CPT1A: variants seen among roughly 807,000 people sequenced by gnomAD.
The protein encoded by CPT1A is carnitine palmitoyltransferase 1A.
A neutral mutation model predicts 100.8 loss-of-function variants in CPT1A; 64 were observed. The observed-to-expected ratio is 0.63, with a 90% CI of 0.52 to 0.78. CPT1A has a LOEUF of 0.78. CPT1A is among the 30% of genes least tolerant of loss of function. The pLI is 0.00. For missense variants in CPT1A, 802 were observed against 1,034.1 expected (o/e 0.78, Z 3.08); for synonymous variants, 363 against 396.0 (o/e 0.92, Z 0.99).
At chr11:68,779,851 CA>C (rs1038229755) in intron 12 of CPT1A, among the ~76,000 whole-genome samples, 25 of 149,288 alleles carry the variant, frequency 1.7e-4, no homozygotes, top group Admixed American at 3.3e-4. Context: ...GGCAGGGGGA[CA>C]GGGGTTTGTG....
intron 11 of CPT1A, 112 bp downstream of exon 11, chr11:68,781,659 T>C: frequency 1.0e-6 from 1 of 955,266 alleles, no homozygotes; most frequent in East Asian, 2.4e-5. Flanking sequence ...TATATTTTTA[T>C]GCCACCTTCT....
At chr11:68,773,619 C>T in intron 13 of CPT1A, 190 bp from the exon 14 acceptor site, 1 of 977,808 alleles carries the variant, frequency 1.0e-6, no homozygotes, top group East Asian at 2.8e-5. Context: ...GGAGCAGCTG[C>T]AATGTTATAG....
rs575565936 is a variant in CPT1A, at chr11:68,828,901, C to T, written c.-14+12874G>A. On this transcript the variant is annotated intron_variant, in intron 1 of 18. Coordinates refer to ENST00000265641, the MANE Select transcript of CPT1A (RefSeq NM_001876.4). ...CTGGCCCCGGTCCATCTGCTGCTGCCTTGGGCCCCTCTGGCTTCTGAACTA... is the reference window on the plus strand; with the variant it reads ...CTGGCCCCGGTCCATCTGCTGCTGCTTTGGGCCCCTCTGGCTTCTGAACTA... Among the ~76,000 whole-genome samples, 12 of 152,302 alleles carry T rather than the reference C, an allele frequency of 7.9e-5. No homozygotes were observed. The East Asian group carries it at 2.1e-3, about 27-fold the overall frequency.
chr11:68,785,830 C>A (rs1202662677), intron 9 of CPT1A: 3 of 549,430 alleles, frequency 5.5e-6, no homozygotes, highest in South Asian at 2.4e-5. Context: ...TTCTGAGAAC[C>A]CGAGAAATGT....
At chr11:68,803,556 C>T (rs1855961139) in intron 5 of CPT1A, among the ~76,000 whole-genome samples, 1 of 151,564 alleles carries the variant, frequency 6.6e-6, no homozygotes, top group Non-Finnish European at 1.5e-5. Flanking sequence ...ACTAAAAATA[C>T]AAAAATTAGC....
intron 14 of CPT1A, among the ~76,000 whole-genome samples, chr11:68,768,944 C>T (rs1854904821): frequency 6.6e-6 from 1 of 152,148 alleles, no homozygotes; most frequent in Admixed American, 6.6e-5. Flanking sequence ...AAGCCTTTAC[C>T]AACCCCGTAG....
chr11:68,823,443 T>G (rs1392431948), intron 1 of CPT1A, among the ~76,000 whole-genome samples: 3 of 152,170 alleles, frequency 2.0e-5, no homozygotes, highest in Non-Finnish European at 4.4e-5. Context: ...TTCCATATCC[T>G]GTCCACCATA....
upstream of CPT1A, among the ~76,000 whole-genome samples, chr11:68,842,363 G>A (rs535963879): frequency 6.6e-6 from 1 of 152,162 alleles, no homozygotes; most frequent in East Asian, 1.9e-4. Flanking sequence ...TGTAATCCCA[G>A]CTACTCGGGA....
At position 68,760,184 on chromosome 11, in the gene CPT1A, A is replaced by G. The variant is rs1217065516; in HGVS notation, c.2142+41T>C. The G allele has an allele frequency of 2.1e-6, 3 of 1,421,228 alleles. No homozygotes were observed. The African/African-American group carries it at 4.2e-5, about 20-fold the overall frequency. 88.0% of individuals were successfully genotyped at this position (1,421,228 alleles called of 1,614,324 possible). A position where few individuals can be genotyped will look rare whatever the true frequency, so the allele number is the denominator to read the frequency against. On this transcript the variant is annotated intron_variant, in intron 17 of 18. Transcript: ENST00000265641. ...ATCACACCCCATTACCCATCCCATC[A>G]CCACGCCCCACTGCGCCTCGCCCAG...
At chr11:68,824,430 G>A (rs1348021294) in intron 1 of CPT1A, among the ~76,000 whole-genome samples, 1 of 151,988 alleles carries the variant, frequency 6.6e-6, no homozygotes, top group Non-Finnish European at 1.5e-5. Flanking sequence ...TATGCAAAAT[G>A]CCTGTGTAAC....
chr11:68,816,916 T>G lies in CPT1A; in HGVS notation c.-13-1429A>C, dbSNP rs150644387. Among the ~76,000 whole-genome samples the G allele has an allele frequency of 5.5e-4, 6 of 10,832 alleles. No homozygotes were observed. The East Asian group carries it at 0.013, about 23-fold the overall frequency. The allele number at this position is 10,832 out of a possible 152,430, so 7.1% of individuals were successfully genotyped here. A position where few individuals can be genotyped will look rare whatever the true frequency, so the allele number is the denominator to read the frequency against. Reference sequence around the variant, plus strand: ...GTGGTGTGTGTGGGTGTGTGTGTGGTGTGTGTGTGGGTGTGTGTGTGGGGT... The same window carrying G: ...GTGGTGTGTGTGGGTGTGTGTGTGGGGTGTGTGTGGGTGTGTGTGTGGGGT... On this transcript the variant is annotated intron_variant, in intron 1 of 18. Coordinates refer to ENST00000265641, the MANE Select transcript of CPT1A (RefSeq NM_001876.4).
chr11:68,792,345 T>A (rs1840271), intron 9 of CPT1A, among the ~76,000 whole-genome samples: 221 of 151,616 alleles, frequency 1.5e-3, no homozygotes, highest in African/African-American at 4.9e-3. Flanking sequence ...TAAAAAAAAA[T>A]AAATAAATAA....
chr11:68,834,697 C>A (rs557403831), intron 1 of CPT1A, among the ~76,000 whole-genome samples: 2 of 151,834 alleles, frequency 1.3e-5, no homozygotes, highest in African/African-American at 4.8e-5. Context: ...GCTATGATCA[C>A]GCCACTGCAC....
At chr11:68,793,242 GAC>G in intron 9 of CPT1A, 71 bp downstream of exon 9, 1 of 1,139,316 alleles carries the variant, frequency 8.8e-7, no homozygotes, top group Admixed American at 2.3e-5. Flanking sequence ...TGGCCCCTTT[GAC>G]ACTTCCTAAT....
At chr11:68,794,210 C>G (rs1183891310) in intron 8 of CPT1A, among the ~76,000 whole-genome samples, 1 of 152,126 alleles carries the variant, frequency 6.6e-6, no homozygotes, top group Non-Finnish European at 1.5e-5. Context: ...TCCACTTACA[C>G]AAAGCTTTAA....
intron 5 of CPT1A, among the ~76,000 whole-genome samples, chr11:68,799,561 C>T (rs1193417501): frequency 6.6e-6 from 1 of 151,972 alleles, no homozygotes; most frequent in African/African-American, 2.4e-5. Context: ...CCAGCCTAAA[C>T]AACATGGTGA....
At chr11:68,760,188 C>T (rs373584669) in intron 17 of CPT1A, 37 bp downstream of exon 17, 105 of 1,448,052 alleles carry the variant, frequency 7.3e-5, no homozygotes, top group African/African-American at 6.2e-4. Flanking sequence ...CCCATCACCA[C>T]GCCCCACTGC....
chr11:68,834,349 T>G (rs977125729), intron 1 of CPT1A, among the ~76,000 whole-genome samples: 30 of 152,188 alleles, frequency 2.0e-4, no homozygotes, highest in African/African-American at 7.2e-4. Flanking sequence ...GGCAGGAGAA[T>G]CGCTTGAACC....
At chr11:68,776,099 T>C (rs1374571502) in intron 12 of CPT1A, among the ~76,000 whole-genome samples, 1 of 152,236 alleles carries the variant, frequency 6.6e-6, no homozygotes, top group East Asian at 1.9e-4. Context: ...GAAAACATTA[T>C]GCTGAGTGAA....
Sources: allele counts gnomAD v4.1 joint callset (sites outside exome capture counted in the v4.1 genomes callset), GRCh38; gene constraint gnomAD v4.1.1; transcripts MANE v1.5; gene names NCBI Gene and HGNC (gene_info 2026-07-23, HGNC 2026-07-21).